Variants in CDK14 observed in about 807,000 individuals in gnomAD.
CDK14 encodes cyclin dependent kinase 14.
In CDK14, 34 loss-of-function variants were observed where a neutral mutation model predicts 60.7. The ratio of observed to expected loss-of-function variants is 0.56; its 90% CI spans 0.43 to 0.75. CDK14 has a LOEUF of 0.75. Among genes scored for constraint, CDK14 ranks in the 30% least tolerant of loss-of-function variants. The pLI is 0.00. For synonymous variants in CDK14, 197 were observed against 203.7 expected (o/e 0.97, Z 0.28); for missense variants, 482 against 564.1 (o/e 0.85, Z 1.47).
intron 2 of CDK14, among the ~76,000 whole-genome samples, chr7:90,614,382 G>A (rs1015376306): frequency 1.3e-5 from 2 of 152,162 alleles, no homozygotes; most frequent in Non-Finnish European, 2.9e-5. Context: ...ATTGGAACCA[G>A]CAGTTTGCTT....
intron 11 of CDK14, among the ~76,000 whole-genome samples, chr7:91,051,488 G>T (rs1797389305): frequency 6.6e-6 from 1 of 152,078 alleles, no homozygotes; most frequent in African/African-American, 2.4e-5. Flanking sequence ...TTTAAAAGTA[G>T]GTCTCCTTGT....
chr7:90,743,592 T>C (rs2116790053), intron 3 of CDK14, among the ~76,000 whole-genome samples: 1 of 152,302 alleles, frequency 6.6e-6, no homozygotes, highest in African/African-American at 2.4e-5. Context: ...TAGTAGTGTA[T>C]GCTTGTCTTT....
At chr7:91,102,209 A>C (rs1239990139) in intron 12 of CDK14, among the ~76,000 whole-genome samples, 1 of 152,148 alleles carries the variant, frequency 6.6e-6, no homozygotes, top group African/African-American at 2.4e-5. Context: ...GTGACGGTGC[A>C]TAAAGTATGA....
chr7:90,712,422 G>A (rs1042966462), intron 2 of CDK14, among the ~76,000 whole-genome samples: 7 of 151,782 alleles, frequency 4.6e-5, no homozygotes, highest in East Asian at 1.9e-4. Flanking sequence ...TGTCTCTGCC[G>A]TGTTTTAGCA....
intron 2 of CDK14, among the ~76,000 whole-genome samples, chr7:90,661,386 C>T (rs1024821588): frequency 3.3e-5 from 5 of 152,124 alleles, no homozygotes; most frequent in African/African-American, 7.2e-5. Flanking sequence ...ATTTTGAGTA[C>T]GTGATCTACA....
At chr7:91,058,675 T>A (rs1562886569) in intron 11 of CDK14, among the ~76,000 whole-genome samples, 1 of 152,260 alleles carries the variant, frequency 6.6e-6, no homozygotes, top group Non-Finnish European at 1.5e-5. Flanking sequence ...GTGGTTTTTG[T>A]CATTGGTTCT....
At chr7:90,919,136 T>A (rs1377268366) in intron 8 of CDK14, among the ~76,000 whole-genome samples, 1 of 152,160 alleles carries the variant, frequency 6.6e-6, no homozygotes, top group African/African-American at 2.4e-5. Context: ...TGTGAATATA[T>A]TTTATAGTTG....
chr7:90,699,138 T>C (rs1277642868), intron 2 of CDK14, among the ~76,000 whole-genome samples: 1 of 152,222 alleles, frequency 6.6e-6, no homozygotes, highest in Non-Finnish European at 1.5e-5. Context: ...ACAGGAATAC[T>C]GGAGAAGAAT....
At chr7:90,693,609 T>A (rs1010238896) in intron 2 of CDK14, among the ~76,000 whole-genome samples, 1 of 152,186 alleles carries the variant, frequency 6.6e-6, no homozygotes, top group South Asian at 2.1e-4. Context: ...ACCGAGTAAC[T>A]GTGCTGTGTT....
At chr7:90,765,874 T>G (rs1332045523) in intron 4 of CDK14, among the ~76,000 whole-genome samples, 2 of 152,176 alleles carry the variant, frequency 1.3e-5, no homozygotes, top group Non-Finnish European at 2.9e-5. Context: ...AAGGAAACAC[T>G]TGAAGTATAT....
At chr7:90,721,233 T>C (rs1002544134) in intron 2 of CDK14, among the ~76,000 whole-genome samples, 5 of 152,198 alleles carry the variant, frequency 3.3e-5, no homozygotes, top group African/African-American at 9.6e-5. Flanking sequence ...CATTCATTCC[T>C]GTCCTTGATA....
At chr7:90,683,398 C>T (rs1265012571) in intron 2 of CDK14, among the ~76,000 whole-genome samples, 1 of 152,158 alleles carries the variant, frequency 6.6e-6, no homozygotes. Flanking sequence ...TATTTTAGCA[C>T]CTTCCTACTT....
At chr7:91,086,712 C>T (rs1327720448) in intron 12 of CDK14, among the ~76,000 whole-genome samples, 1 of 151,836 alleles carries the variant, frequency 6.6e-6, no homozygotes, top group East Asian at 1.9e-4. Context: ...AGTTTTAGGA[C>T]ATTGAAAACT....
chr7:90,796,647 A>G (rs1788444206), intron 5 of CDK14, among the ~76,000 whole-genome samples: 1 of 152,066 alleles, frequency 6.6e-6, no homozygotes, highest in Non-Finnish European at 1.5e-5. Flanking sequence ...CAGAGGGGTT[A>G]GATGACTTGT....
chr7:90,966,613 CA>C (rs1794759041), intron 9 of CDK14, among the ~76,000 whole-genome samples: 1 of 152,096 alleles, frequency 6.6e-6, no homozygotes, highest in Non-Finnish European at 1.5e-5. Context: ...CTCTCTTCTG[CA>C]ACTTTTATCT....
intron 2 of CDK14, among the ~76,000 whole-genome samples, chr7:90,619,544 A>G (rs1329102353): frequency 6.6e-6 from 1 of 152,244 alleles, no homozygotes; most frequent in Non-Finnish European, 1.5e-5. Context: ...AACATAAAAT[A>G]CTGATTATTT....
In CDK14 at chr7:91,034,310, C is replaced by T. The variant is rs536055133; in HGVS notation, c.1042-11587C>T. ...TCTGCATATCTTGCTGCACCTTGGA[C>T]CAGTTAAATAGGAATTTAGGGGATA... On this transcript the variant is annotated intron_variant, in intron 10 of 14. Coordinates refer to ENST00000380050, the MANE Select transcript of CDK14 (RefSeq NM_001287135.2). 2.0e-5 allele frequency among the ~76,000 whole-genome samples: 3 copies of T among 152,114 alleles called. No homozygotes were observed. The South Asian group carries it at 6.2e-4, about 32-fold the overall frequency.
intron 4 of CDK14, among the ~76,000 whole-genome samples, chr7:90,773,843 C>CCTCCTCTCCTCCCCTCTCCT (rs1804887154): frequency 1.3e-5 from 1 of 78,660 alleles, no homozygotes; most frequent in South Asian, 6.1e-4. Context: ...TCTTCTCTTC[C>CCTCCTCTCCTCCCCTCTCCT]CTCCTCTCCT....
chr7:90,726,722 G>A lies in CDK14; in HGVS notation c.279G>A (p.Val93=), dbSNP rs374078260. The A allele has an allele frequency of 6.2e-7, 1 of 1,613,828 alleles. No homozygotes were observed. Among genetic ancestry groups the A allele is most frequent in the African/African-American group, 1.3e-5 (1 of 75,036 alleles). Residue 93 remains valine, a synonymous_variant, in exon 3 of 15, where the codon GTG becomes GTA. Transcript: ENST00000380050. ...AACCAGCTAATCAAGTAAAGAGGGT[G>A]CATTCTGAGAACAATGCTTGCATTA... ...FEKPANQVKR[V]HSENNACINF... is the part of the protein sequence containing the mutation.
Sources: allele counts gnomAD v4.1 joint callset (sites outside exome capture counted in the v4.1 genomes callset), GRCh38; gene constraint gnomAD v4.1.1; transcripts MANE v1.5; gene names NCBI Gene and HGNC (gene_info 2026-07-23, HGNC 2026-07-21).